Variants in BICDL1 observed in about 807,000 individuals in gnomAD.
BICDL1 encodes the protein BICD family like cargo adaptor 1.
Under a neutral mutation model 76.8 loss-of-function variants are expected in BICDL1, and 20 were observed. That is an observed-to-expected ratio of 0.26 (90% CI 0.18 to 0.38). BICDL1 has a LOEUF of 0.38. BICDL1 is among the 10% of genes least tolerant of loss of function. The pLI, the probability that BICDL1 is intolerant of heterozygous loss-of-function variation, is 1.00. For synonymous variants in BICDL1, 383 were observed against 337.1 expected (o/e 1.14, Z -1.49); for missense variants, 700 against 798.6 (o/e 0.88, Z 1.49).
chr12:120,015,129 C>T (rs1952033847), intron 2 of BICDL1, among the ~76,000 whole-genome samples: 1 of 152,128 alleles, frequency 6.6e-6, no homozygotes, highest in African/African-American at 2.4e-5. Context: ...AGAGTCTGCC[C>T]CTTCCCACTT....
intron 2 of BICDL1, among the ~76,000 whole-genome samples, chr12:120,042,792 G>A (rs527979654): frequency 1.2e-4 from 18 of 147,348 alleles, no homozygotes; most frequent in Non-Finnish European, 2.1e-4. Flanking sequence ...GCGACAGAGC[G>A]AGACTCCCCC....
At chr12:120,064,951 C>A in intron 4 of BICDL1, 72 bp downstream of exon 4, 1 of 1,503,994 alleles carries the variant, frequency 6.6e-7, no homozygotes, top group South Asian at 1.3e-5. Flanking sequence ...AAAGAAAAGG[C>A]TGGGAGGCCA....
At chr12:120,046,434 G>A (rs139922631) in intron 2 of BICDL1, among the ~76,000 whole-genome samples, 8 of 152,280 alleles carry the variant, frequency 5.3e-5, no homozygotes, top group African/African-American at 1.4e-4. Flanking sequence ...GCTAACACAC[G>A]TACTGCCTAC....
At chr12:120,043,862 T>C (rs1190979454) in intron 2 of BICDL1, among the ~76,000 whole-genome samples, 1 of 152,194 alleles carries the variant, frequency 6.6e-6, no homozygotes, top group African/African-American at 2.4e-5. Context: ...CAAAGATAAA[T>C]AGGAGATATA....
intron 2 of BICDL1, among the ~76,000 whole-genome samples, chr12:120,005,599 C>T (rs1951835504): frequency 6.6e-6 from 1 of 152,212 alleles, no homozygotes; most frequent in South Asian, 2.1e-4. Context: ...TCTCAAACTC[C>T]TGGCTTCAGG....
intron 2 of BICDL1, among the ~76,000 whole-genome samples, chr12:120,046,986 T>C (rs1252815698): frequency 6.6e-6 from 1 of 152,238 alleles, no homozygotes; most frequent in East Asian, 1.9e-4. Context: ...CTTTTTTCTT[T>C]TTCAATTAAA....
rs1951469390 is a variant in BICDL1, at chr12:119,989,647, C to T, written c.-222C>T. On this transcript the variant is annotated 5_prime_UTR_variant, in exon 1 of 10. Coordinates refer to ENST00000548673, the MANE Select transcript of BICDL1 (RefSeq NM_001367886.1). Reference sequence around the variant, plus strand: ...CCCCACCCCCTCCTCCCGCGCGCGCCTGAGCAGCTGAGCCCGGGGGCGGGG... The same window carrying T: ...CCCCACCCCCTCCTCCCGCGCGCGCTTGAGCAGCTGAGCCCGGGGGCGGGG... Among the ~76,000 whole-genome samples, 2 of 148,580 alleles carry T rather than the reference C, an allele frequency of 1.3e-5. No homozygotes were observed. Among genetic ancestry groups the T allele is most frequent in the African/African-American group, 4.9e-5 (2 of 40,930 alleles).
In BICDL1 at chr12:120,068,216, G is replaced by A. The variant is rs368932730; in HGVS notation, c.909+3337G>A. 4.6e-5 allele frequency among the ~76,000 whole-genome samples: 7 copies of A among 152,256 alleles called. No homozygotes were observed. The East Asian group carries it at 9.6e-4, about 21-fold the overall frequency. On this transcript the variant is annotated intron_variant, in intron 4 of 9. Transcript: ENST00000548673. ...TCAGCCACAGGTCTGAAAAAGACCAGTGCAGTGTCTACTTTCTTTTTAATG... is the reference window on the plus strand; with the variant it reads ...TCAGCCACAGGTCTGAAAAAGACCAATGCAGTGTCTACTTTCTTTTTAATG...
At chr12:120,039,514 G>A (rs1045042176) in intron 2 of BICDL1, among the ~76,000 whole-genome samples, 4 of 148,314 alleles carry the variant, frequency 2.7e-5, no homozygotes, top group Admixed American at 6.8e-5. Context: ...GGTGCATGCC[G>A]GTAATCCCAG....
chr12:120,063,736 G>A (rs182633902), intron 3 of BICDL1, among the ~76,000 whole-genome samples: 166 of 152,298 alleles, frequency 1.1e-3, no homozygotes, highest in African/African-American at 3.6e-3. Context: ...CTAAATAAAT[G>A]GGAGGATCCA....
intron 2 of BICDL1, chr12:120,057,137 A>T: frequency 1.9e-5 from 10 of 519,110 alleles, no homozygotes; most frequent in South Asian, 1.3e-4. Flanking sequence ...CATGGATGAC[A>T]GGTTCCCAAT....
chr12:120,010,906 C>G (rs1422782479), intron 2 of BICDL1, among the ~76,000 whole-genome samples: 1 of 151,922 alleles, frequency 6.6e-6, no homozygotes, highest in African/African-American at 2.4e-5. Context: ...CAAGCCATCT[C>G]TTTGATAATA....
chr12:120,092,982 G>A lies in BICDL1; in HGVS notation c.1705-18G>A. On this transcript the variant is annotated intron_variant, in intron 9 of 9. Transcript: ENST00000548673. ...GAGCAGCTACTCAGTCCTGGCCACT[G>A]TCCCCTCCCCTCTGCAGGATGACAT... is the stretch of plus-strand genomic sequence containing the variant. The A allele has an allele frequency of 1.3e-6, 2 of 1,538,690 alleles. No homozygotes were observed. The highest frequency in any genetic ancestry group is 2.0e-5 in the Admixed American group (1 of 50,596).
intron 2 of BICDL1, chr12:120,000,004 C>G: frequency 4.8e-6 from 1 of 209,488 alleles, no homozygotes; most frequent in Non-Finnish European, 9.9e-6. Flanking sequence ...ATGGGTGATG[C>G]TGTATGAAGT....
At chr12:120,065,802 C>T (rs1953207834) in intron 4 of BICDL1, among the ~76,000 whole-genome samples, 1 of 152,198 alleles carries the variant, frequency 6.6e-6, no homozygotes, top group African/African-American at 2.4e-5. Flanking sequence ...GTTTGAAAGC[C>T]TTGGGGTATG....
intron 2 of BICDL1, among the ~76,000 whole-genome samples, chr12:120,027,630 A>G (rs1349952008): frequency 3.3e-5 from 5 of 152,182 alleles, no homozygotes; most frequent in Admixed American, 3.3e-4. Context: ...GTGTTCTGTC[A>G]TGGCTGTTTT....
At position 119,998,827 on chromosome 12, in the gene BICDL1, G is replaced by A. The variant is rs530503047; in HGVS notation, c.645+91G>A. 8.5e-5 allele frequency: 107 copies of A among 1,261,004 alleles called. 1 individual carries two copies. In the Middle Eastern group the frequency reaches 1.9e-3, roughly 23 times the overall value. The allele number at this position is 1,261,004 out of a possible 1,614,324, so 78.1% of individuals were successfully genotyped here. On this transcript the variant is annotated intron_variant, in intron 2 of 9. Transcript: ENST00000548673. ...CTTATGCCTGTGACGCCAGCATTTC[G>A]GGAGGCCAAGGTGGGAGAAGCACTT...
chr12:120,087,239 A>G (rs1407597276), intron 8 of BICDL1, among the ~76,000 whole-genome samples: 1 of 152,252 alleles, frequency 6.6e-6, no homozygotes, highest in Non-Finnish European at 1.5e-5. Context: ...CTGAGCCCTC[A>G]GCATCCATTA....
Position 119,990,009 on chromosome 12 carries a change from G to A in BICDL1, c.141G>A (p.Gly47=). 6.7e-7 allele frequency: 1 copy of A among 1,489,010 alleles called. No individual in the cohort carries two copies. Among genetic ancestry groups the A allele is most frequent in the Non-Finnish European group, 8.8e-7 (1 of 1,131,346 alleles). The allele number at this position is 1,489,010 out of a possible 1,614,324, so 92.2% of individuals were successfully genotyped here. The change falls in exon 1 of 10, where the codon GGG becomes GGA. Residue 47 remains glycine (G), a synonymous_variant. Transcript: ENST00000548673. ...CCGCCGCCGCCCTCATCTTCCCCGG[G>A]GGCTCCGGGGAGCTAGAACTGGCGT... is the stretch of plus-strand genomic sequence containing the variant. ...PAAAAALIFP[G]GSGELELALE...
Sources: allele counts gnomAD v4.1 joint callset (sites outside exome capture counted in the v4.1 genomes callset), GRCh38; gene constraint gnomAD v4.1.1; transcripts MANE v1.5; gene names NCBI Gene and HGNC (gene_info 2026-07-23, HGNC 2026-07-21).